The following COL23A1 variants were observed in gnomAD, a reference collection of about 807,000 sequenced individuals.
COL23A1 encodes collagen type XXIII alpha 1 chain.
A neutral mutation model predicts 99.3 loss-of-function variants in COL23A1; 97 were observed. The ratio of observed to expected loss-of-function variants is 0.98; its 90% CI spans 0.83 to 1.16. The LOEUF (loss-of-function observed/expected upper bound fraction) is 1.16. COL23A1 is among the 50% of genes most tolerant of loss of function. The pLI is 0.00. For synonymous variants in COL23A1, 320 were observed against 308.2 expected, an observed-to-expected ratio of 1.04 and a Z score of -0.40; for missense variants, 762 against 757.4, an observed-to-expected ratio of 1.01 and a Z score of -0.07.
chr5:178,351,857 C>A (rs1185856607), intron 2 of COL23A1: 1 of 152,150 alleles, frequency 6.6e-6, no homozygotes, highest in East Asian at 1.9e-4. Context: ...GGGCCCTAAC[C>A]CCGAAGGACT....
chr5:178,432,744 G>A (rs1414285020), intron 2 of COL23A1, among the ~76,000 whole-genome samples: 1 of 149,770 alleles, frequency 6.7e-6, no homozygotes, highest in Non-Finnish European at 1.5e-5. Flanking sequence ...GGCTGGTAAG[G>A]GCCCAGCCCT....
At chr5:178,548,628 C>T (rs1164488268) in intron 2 of COL23A1, among the ~76,000 whole-genome samples, 1 of 151,270 alleles carries the variant, frequency 6.6e-6, no homozygotes, top group Admixed American at 6.6e-5. Flanking sequence ...TCTCGGCTCC[C>T]TGCAACCTCT....
intron 2 of COL23A1, among the ~76,000 whole-genome samples, chr5:178,539,574 A>C (rs1761179388): frequency 6.6e-6 from 1 of 151,036 alleles, no homozygotes; most frequent in South Asian, 2.1e-4. Flanking sequence ...AAAAAGAAAA[A>C]GAAAGAAAGG....
At chr5:178,585,752 T>TGGG (rs1562115800) in intron 1 of COL23A1, among the ~76,000 whole-genome samples, 5 of 5,530 alleles carry the variant, frequency 9.0e-4, no homozygotes, top group South Asian at 5.6e-3. Context: ...CTGACCCTGT[T>TGGG]GGTTGCTCCC....
In COL23A1 at chr5:178,426,062, C is replaced by T. The variant is rs1018018264; in HGVS notation, c.362-119143G>A. 6.6e-5 allele frequency among the ~76,000 whole-genome samples: 10 copies of T among 152,316 alleles called. No individual in the cohort carries two copies. In the East Asian group the frequency reaches 1.5e-3, roughly 24 times the overall value. On this transcript the variant is annotated intron_variant, in intron 2 of 28. Coordinates refer to ENST00000390654, the MANE Select transcript of COL23A1 (RefSeq NM_173465.4). The stretch of plus-strand genomic sequence containing the variant: ...CAACCAAAGGGGCTCACATTCCTGC[C>T]GCTTCCTTCAGTGTCTTTGTAGAAG...
chr5:178,446,895 TAACA>T (rs1767190501), intron 2 of COL23A1, among the ~76,000 whole-genome samples: 1 of 152,172 alleles, frequency 6.6e-6, no homozygotes, highest in Admixed American at 6.5e-5. Context: ...GGAAAAGCCT[TAACA>T]GGTTGAGAGA....
In COL23A1 at chr5:178,544,346, G is replaced by A. The variant is rs1761461900; in HGVS notation, c.361+16336C>T. 6.6e-6 allele frequency among the ~76,000 whole-genome samples: 1 copy of A among 152,202 alleles called. No homozygotes were observed. On this transcript the variant is annotated intron_variant, in intron 2 of 28. Coordinates refer to ENST00000390654, the MANE Select transcript of COL23A1 (RefSeq NM_173465.4). The surrounding 1 kb of genome is among the most constrained non-coding windows in gnomAD (Gnocchi z 4.4). ...CTGGATCCCAAGGCGGGGAAGGCAA[G>A]TCGGCGGATGCGCACTTCAGGGAGG...
chr5:178,318,276 C>T (rs981533020), intron 2 of COL23A1, among the ~76,000 whole-genome samples: 17 of 152,206 alleles, frequency 1.1e-4, no homozygotes, highest in African/African-American at 3.6e-4. Context: ...CCCCAGCCTT[C>T]GGTGCCTTCC....
chr5:178,346,816 G>T (rs557343407), intron 2 of COL23A1, among the ~76,000 whole-genome samples: 4 of 152,306 alleles, frequency 2.6e-5, no homozygotes, highest in African/African-American at 9.6e-5. Context: ...ATATGCAGCG[G>T]CCCGTCGGAG....
At chr5:178,511,598 TGGA>T (rs556832376) in intron 2 of COL23A1, among the ~76,000 whole-genome samples, 4 of 152,208 alleles carry the variant, frequency 2.6e-5, no homozygotes, top group Non-Finnish European at 4.4e-5. Flanking sequence ...GAGTAAGCCC[TGGA>T]GGAGGTTAAA....
rs1208949474 is a variant in COL23A1 at position 178,365,395 on chromosome 5, C to T, written c.362-58476G>A. Among the ~76,000 whole-genome samples the T allele has an allele frequency of 6.6e-6, 1 of 152,126 alleles. No homozygotes were observed. The highest frequency in any genetic ancestry group is 2.4e-5 in the African/African-American group (1 of 41,430). On this transcript the variant is annotated intron_variant, in intron 2 of 28. Coordinates refer to ENST00000390654, the MANE Select transcript of COL23A1 (RefSeq NM_173465.4). The surrounding 1 kb of genome is among the most constrained non-coding windows in gnomAD (Gnocchi z 5.2). ...TCAGGCAGCTCAAGGCTTAGCTTCC[C>T]ACTGGCCTCCTCCCTCCCGGACACT... is the stretch of plus-strand genomic sequence containing the variant.
chr5:178,588,499 C>A (rs992386531), intron 1 of COL23A1, among the ~76,000 whole-genome samples: 1 of 152,226 alleles, frequency 6.6e-6, no homozygotes, highest in Non-Finnish European at 1.5e-5. Flanking sequence ...CAATTCAACA[C>A]CCTGGTCTCC....
intron 2 of COL23A1, among the ~76,000 whole-genome samples, chr5:178,523,959 T>C (rs1177485171): frequency 1.3e-5 from 2 of 152,156 alleles, no homozygotes; most frequent in African/African-American, 4.8e-5. Context: ...ACCCTTCCTT[T>C]TCATGATCTC....
intron 2 of COL23A1, chr5:178,350,983 T>A (rs1011483859): frequency 1.3e-5 from 2 of 152,194 alleles, no homozygotes; most frequent in African/African-American, 4.8e-5. Flanking sequence ...CTACCTGACA[T>A]CAAGGACAGG....
intron 1 of COL23A1, chr5:178,561,962 C>T (rs1039995974): frequency 5.0e-6 from 2 of 398,772 alleles, no homozygotes; most frequent in Non-Finnish European, 1.0e-5. Context: ...ATTTCAGCCT[C>T]ATTTTACAGA....
rs759387309 is a variant in COL23A1 at position 178,468,985 on chromosome 5, A to G, written c.361+91697T>C. Among the ~76,000 whole-genome samples, 6 of 152,128 alleles carry G rather than the reference A, an allele frequency of 3.9e-5. No homozygotes were observed. Among genetic ancestry groups the G allele is most frequent in the African/African-American group, 1.2e-4 (5 of 41,440 alleles). On this transcript the variant is annotated intron_variant, in intron 2 of 28. Transcript: ENST00000390654. This position sits in a 1 kb window ranked among gnomAD's most constrained non-coding sequence, Gnocchi z 4.2. ...TGAATTTGATGACTGGGTGCCTCAC[A>G]TAAGTGGAATCATATCGTGTTTGTC...
At chr5:178,354,603 C>A (rs1410210196) in intron 2 of COL23A1, among the ~76,000 whole-genome samples, 2 of 152,126 alleles carry the variant, frequency 1.3e-5, no homozygotes, top group African/African-American at 4.8e-5. Context: ...AAATGTGTAG[C>A]ACTTCACCCT....
intron 2 of COL23A1, among the ~76,000 whole-genome samples, chr5:178,491,458 G>A (rs1757930681): frequency 6.6e-6 from 1 of 152,152 alleles, no homozygotes; most frequent in Non-Finnish European, 1.5e-5. Context: ...GAAGGGAACT[G>A]TGCACGGTGG....
chr5:178,557,531 C>T (rs759929748), intron 2 of COL23A1, among the ~76,000 whole-genome samples: 3 of 152,192 alleles, frequency 2.0e-5, no homozygotes, highest in East Asian at 1.9e-4. Flanking sequence ...CACTCAGCCT[C>T]GCAATGGGTG....
Sources: gnomAD v4.1 joint callset for allele counts (sites outside exome capture counted in the v4.1 genomes callset) on GRCh38, gnomAD v4.1.1 for gene constraint, Gnocchi (gnomAD v3.1) non-coding constraint, MANE v1.5 for transcripts, NCBI Gene and HGNC (gene_info 2026-07-23, HGNC 2026-07-21) for gene names.